The following VPS29 variants were observed in gnomAD, a reference collection of about 807,000 sequenced individuals.
The protein encoded by VPS29 is VPS29 retromer complex component.
A neutral mutation model predicts 20.0 loss-of-function variants in VPS29; 2 were observed. That is an observed-to-expected ratio of 0.10 (90% CI 0.04 to 0.31). VPS29 has a LOEUF of 0.31. Among genes scored for constraint, VPS29 ranks in the 10% least tolerant of loss-of-function variants. The pLI, the probability that VPS29 is intolerant of heterozygous loss-of-function variation, is 1.00. For missense variants in VPS29, 120 were observed against 215.3 expected, an observed-to-expected ratio of 0.56 and a Z score of 2.77; for synonymous variants, 81 against 79.3, an observed-to-expected ratio of 1.02 and a Z score of -0.12.
At chr12:110,498,799 T>C in intron 1 of VPS29, 1 of 980,298 alleles carries the variant, frequency 1.0e-6, no homozygotes, top group Admixed American at 6.1e-5. Flanking sequence ...CCACCCTCAC[T>C]GGTAATCAAC....
In VPS29 at chr12:110,496,060, G is replaced by C. The variant is rs776447100; in HGVS notation, c.147C>G (p.Leu49=). ...NLCTKESYDY[L]KTLAGDVHIV... is the part of the protein sequence containing the mutation. The stretch of plus-strand genomic sequence containing the variant: ...TATGAACATCACCAGCCAGAGTCTT[G>C]AGATAGTCATAACTCTCTTTGGTGC... Residue 49 remains leucine, a synonymous_variant, in exon 2 of 4, where the codon CTC becomes CTG. Transcript: ENST00000549578. 5.6e-6 allele frequency: 9 copies of C among 1,610,372 alleles called. No individual in the cohort carries two copies. Among genetic ancestry groups the C allele is most frequent in the Non-Finnish European group, 7.6e-6 (9 of 1,176,930 alleles).
intron 1 of VPS29, chr12:110,499,386 G>T: frequency 9.0e-7 from 1 of 1,107,714 alleles, no homozygotes; most frequent in Non-Finnish European, 1.2e-6. Flanking sequence ...GGAAATGGCA[G>T]TCTTATTAAA....
chr12:110,491,772 A>G lies in VPS29; in HGVS notation c.*233T>C. ...AAGGATAAATTTTTCTTAACAAGTGACCAATTACTGTGTTGTGGACATTTT... is the reference window on the plus strand; with the variant it reads ...AAGGATAAATTTTTCTTAACAAGTGGCCAATTACTGTGTTGTGGACATTTT... On this transcript the variant is annotated 3_prime_UTR_variant, in exon 4 of 4. Transcript: ENST00000549578. 1 of 396,708 alleles carries G rather than the reference A, an allele frequency of 2.5e-6. No individual in the cohort carries two copies. 24.6% of individuals were successfully genotyped at this position (396,708 alleles called of 1,614,324 possible).
At chr12:110,499,683 A>G in intron 1 of VPS29, 1 of 647,508 alleles carries the variant, frequency 1.5e-6, no homozygotes, top group South Asian at 1.9e-5. Flanking sequence ...AAATGAGCAA[A>G]CAATTGTTAA....
At chr12:110,494,248 T>A (rs555199074) in intron 2 of VPS29, among the ~76,000 whole-genome samples, 29 of 150,518 alleles carry the variant, frequency 1.9e-4, no homozygotes, top group African/African-American at 6.1e-4. Flanking sequence ...ACTATATGTA[T>A]AAATTTTTTT....
At chr12:110,496,337 A>G (rs2062906207) in intron 1 of VPS29, 134 bp from the exon 2 acceptor site, 1 of 729,644 alleles carries the variant, frequency 1.4e-6, no homozygotes, top group Non-Finnish European at 2.1e-6. Flanking sequence ...GGTTCCTATC[A>G]TGACTATTTA....
intron 1 of VPS29, chr12:110,501,409 A>G: frequency 6.5e-7 from 1 of 1,535,430 alleles, no homozygotes; most frequent in Non-Finnish European, 8.7e-7. Context: ...ATCATTAAGG[A>G]ATCCTACCCT....
intron 2 of VPS29, 131 bp from the exon 3 acceptor site, chr12:110,493,362 ATTT>A (rs1174705851): frequency 7.9e-4 from 367 of 466,308 alleles, no homozygotes; most frequent in Non-Finnish European, 9.0e-4. Context: ...ACATTTATAC[ATTT>A]TTTTTTTTTT....
chr12:110,497,930 CA>C (rs1203000008), intron 1 of VPS29, among the ~76,000 whole-genome samples: 1 of 148,652 alleles, frequency 6.7e-6, no homozygotes, highest in South Asian at 2.1e-4. Context: ...AACAAACAAA[CA>C]AAAAAATAGT....
intron 1 of VPS29, among the ~76,000 whole-genome samples, chr12:110,500,155 A>G (rs2062980081): frequency 6.6e-6 from 1 of 152,216 alleles, no homozygotes; most frequent in Non-Finnish European, 1.5e-5. Context: ...AAAATAATAA[A>G]AACAAACACA....
At chr12:110,495,987 G>T in intron 2 of VPS29, 25 bp downstream of exon 2, 1 of 1,478,266 alleles carries the variant, frequency 6.8e-7, no homozygotes, top group African/African-American at 1.4e-5. Context: ...GGAGATATTT[G>T]AGAAGGGAAA....
chr12:110,499,494 C>G, intron 1 of VPS29: 1 of 1,611,026 alleles, frequency 6.2e-7, no homozygotes, highest in South Asian at 1.1e-5. Flanking sequence ...AAACAGCCAC[C>G]CAACCACCAC....
chr12:110,502,105 G>T lies in VPS29; in HGVS notation c.-54C>A, dbSNP rs758410190. On this transcript the variant is annotated 5_prime_UTR_variant, in exon 1 of 4. Coordinates refer to ENST00000549578, the MANE Select transcript of VPS29 (RefSeq NM_016226.5). Reference sequence around the variant, plus strand: ...CCACCGTCGCCGCCCTCTTCCTCAGGCTCCTCGGCGACCCGCCCACTTAAC... The same window carrying T: ...CCACCGTCGCCGCCCTCTTCCTCAGTCTCCTCGGCGACCCGCCCACTTAAC... The T allele has an allele frequency of 1.3e-6, 2 of 1,588,084 alleles. No homozygotes were observed. The highest frequency in any genetic ancestry group is 8.6e-7 in the Non-Finnish European group (1 of 1,163,030).
intron 2 of VPS29, among the ~76,000 whole-genome samples, chr12:110,494,241 A>G (rs986288699): frequency 1.3e-5 from 2 of 150,972 alleles, no homozygotes; most frequent in African/African-American, 2.4e-5. Context: ...CAGAAATACT[A>G]TATGTATAAA....
At chr12:110,498,782 G>T (rs1197585284) in intron 1 of VPS29, 1 of 963,698 alleles carries the variant, frequency 1.0e-6, no homozygotes, top group Non-Finnish European at 1.2e-6. Flanking sequence ...AAACCACTAT[G>T]AAGTTTCCAC....
chr12:110,493,517 G>A (rs1390965220), intron 2 of VPS29, among the ~76,000 whole-genome samples: 4 of 151,752 alleles, frequency 2.6e-5, no homozygotes, highest in East Asian at 1.9e-4. Flanking sequence ...CCGCCACCAC[G>A]CCCGCCTAAT....
chr12:110,494,886 A>AT (rs1416323804), intron 2 of VPS29, among the ~76,000 whole-genome samples: 2 of 151,004 alleles, frequency 1.3e-5, no homozygotes, highest in Admixed American at 1.3e-4. Flanking sequence ...CACCTGGCTA[A>AT]TTTTTTTGTA....
Position 110,492,015 on chromosome 12 carries a change from T to G in VPS29, c.539A>C (p.Lys180Thr), listed in dbSNP as rs1439210377. 1.9e-6 allele frequency: 3 copies of G among 1,613,602 alleles called. No homozygotes were observed. The highest frequency in any genetic ancestry group is 2.5e-6 in the Non-Finnish European group (3 of 1,179,802). ...AAGACAGGCCTGGCTTTAAGGTTTT[T>G]TGTATTCGATTCGTTCTACTTTCAC... ...DDVKVERIEY[K>T]KP Residue 180 changes from lysine to threonine, a missense_variant, in exon 4 of 4, where the codon AAA (lysine) becomes ACA (threonine). By Grantham distance (78) the Lys-to-Thr change is moderately conservative. Transcript: ENST00000549578.
At chr12:110,496,266 C>A in intron 1 of VPS29, 63 bp from the exon 2 acceptor site, 3 of 1,422,216 alleles carry the variant, frequency 2.1e-6, no homozygotes, top group South Asian at 3.1e-5. Context: ...AAAATAGTCT[C>A]CTCTTGTAAG....
Sources: gnomAD v4.1 joint callset for allele counts (sites outside exome capture counted in the v4.1 genomes callset) on GRCh38, gnomAD v4.1.1 for gene constraint, MANE v1.5 for transcripts, NCBI Gene and HGNC (gene_info 2026-07-23, HGNC 2026-07-21) for gene names.